EIF4G2: variants seen among roughly 807,000 people sequenced by gnomAD.
EIF4G2 encodes DAP-5.
EIF4G2 carries 8 observed loss-of-function variants against 117.7 expected under a neutral mutation model. That is an observed-to-expected ratio of 0.07 (90% CI 0.04 to 0.12). EIF4G2 has a LOEUF of 0.12. Ranked by LOEUF, EIF4G2 falls within the 10% of genes least tolerant of loss-of-function variation. The pLI is 1.00. For synonymous variants in EIF4G2, 413 were observed against 367.8 expected, an observed-to-expected ratio of 1.12 and a Z score of -1.41; for missense variants, 812 against 1,086.2, an observed-to-expected ratio of 0.75 and a Z score of 3.55.
At chr11:10,799,902 T>A in intron 18 of EIF4G2, 146 bp from the exon 19 acceptor site, 1 of 1,174,862 alleles carries the variant, frequency 8.5e-7, no homozygotes, top group Non-Finnish European at 1.2e-6. Context: ...TGAAAAAAAC[T>A]CAACATACGG....
Position 10,800,949 on chromosome 11 carries a change from C to G in EIF4G2, c.1539+13G>C. On this transcript the variant is annotated intron_variant, in intron 15 of 21. Transcript: ENST00000339995. ...GATATCTTTAGAAAATGCTGTCCTA[C>G]TATGGTCTGTACCTGTCCCAGAGGT... 6.2e-7 allele frequency: 1 copy of G among 1,614,048 alleles called. No individual in the cohort carries two copies. Among genetic ancestry groups the G allele is most frequent in the Non-Finnish European group, 8.5e-7 (1 of 1,179,986 alleles).
chr11:10,807,652 C>T (rs1164998953), intron 1 of EIF4G2: 2 of 1,049,018 alleles, frequency 1.9e-6, no homozygotes, highest in Non-Finnish European at 2.3e-6. Flanking sequence ...ATTCTACTAT[C>T]TTTAAAACTG....
At chr11:10,807,850 G>C in intron 1 of EIF4G2, 1 of 986,356 alleles carries the variant, frequency 1.0e-6, no homozygotes, top group Non-Finnish European at 1.2e-6. Flanking sequence ...GGAAAGACGC[G>C]CGAGAGGGGG....
chr11:10,800,548 A>T lies in EIF4G2; in HGVS notation c.1744T>A (p.Leu582Ile). 1 of 1,614,160 alleles carries T rather than the reference A, an allele frequency of 6.2e-7. No homozygotes were observed. The highest frequency in any genetic ancestry group is 1.3e-5 in the African/African-American group (1 of 75,048). Residue 582 changes from leucine (L) to isoleucine (I), a missense_variant, in exon 17 of 22, where the codon TTA becomes ATA. Physicochemically the swap from Leu to Ile is conservative, Grantham distance 5. Around this residue, in one of 4 missense-constraint regions of EIF4G2, gnomAD observed 571 missense variants for 642.3 expected, o/e 0.89. Coordinates refer to ENST00000339995, the MANE Select transcript of EIF4G2 (RefSeq NM_001418.4). ...AGTGACAGGATGATTACTTTGCTTA[A>T]CATCTCAGGAAGAAAGTGTTTAGGA...
intron 21 of EIF4G2, among the ~76,000 whole-genome samples, chr11:10,798,471 C>G (rs1040069177): frequency 3.3e-5 from 5 of 152,162 alleles, no homozygotes; most frequent in African/African-American, 1.2e-4. Context: ...CAGCTCACTG[C>G]AACCTCTGCC....
chr11:10,808,119 C>CGCCGCCTCCAAGCGG (rs1847644404), intron 1 of EIF4G2: 1 of 1,050,094 alleles, frequency 9.5e-7, no homozygotes, highest in South Asian at 2.3e-5. Context: ...CCTGCCCACC[C>CGCCGCCTCCAAGCGG]GCCGCCTCCA....
chr11:10,799,180 C>G, intron 20 of EIF4G2, 33 bp downstream of exon 20: 1 of 1,612,010 alleles, frequency 6.2e-7, no homozygotes, highest in Non-Finnish European at 8.5e-7. Context: ...TAAGAACTTC[C>G]TCACGCCGTT....
chr11:10,800,647 C>T lies in EIF4G2; in HGVS notation c.1645G>A (p.Glu549Lys). Residue 549 changes from glutamate to lysine, a missense_variant and splice_region_variant, in exon 17 of 22, where the codon GAA becomes AAA. By Grantham distance (56) the Glu-to-Lys change is moderately conservative. Transcript: ENST00000339995. ...TTTAGATATTCAGTCACAACAGTTT[C>T]CTGTGAAGAACACAAGTATCTTTAA... The T allele has an allele frequency of 1.2e-6, 2 of 1,614,094 alleles. No individual in the cohort carries two copies. The highest frequency in any genetic ancestry group is 2.7e-5 in the African/African-American group (2 of 75,034).
At chr11:10,806,189 G>C (rs1373696913) in intron 3 of EIF4G2, 142 bp from the exon 4 acceptor site, 13 of 1,108,526 alleles carry the variant, frequency 1.2e-5, no homozygotes, top group Non-Finnish European at 1.5e-5. Flanking sequence ...AGTGCTTCTG[G>C]AACAGTAGTG....
At position 10,800,448 on chromosome 11, in the gene EIF4G2, C is replaced by T; in HGVS notation, c.1844G>A (p.Ser615Asn). ...GTGTCCTACCTGCATGAAGTTGTCA[C>T]TTGTGGCTATCCCTTCCTGTTTGAG... Residue 615 changes from serine to asparagine, a missense_variant, in exon 17 of 22, where the codon AGT becomes AAT. Around this residue, in one of 4 missense-constraint regions of EIF4G2, gnomAD observed 571 missense variants for 642.3 expected, o/e 0.89. Transcript: ENST00000339995. 1 of 1,614,190 alleles carries T rather than the reference C, an allele frequency of 6.2e-7. No individual in the cohort carries two copies. The highest frequency in any genetic ancestry group is 8.5e-7 in the Non-Finnish European group (1 of 1,180,012).
intron 14 of EIF4G2, 90 bp downstream of exon 14, chr11:10,801,571 T>C (rs748457738): frequency 5.3e-6 from 6 of 1,130,612 alleles, no homozygotes. Flanking sequence ...CAGCATAAAG[T>C]CCTCTTAATA....
chr11:10,798,833 T>G (rs1847337875), intron 21 of EIF4G2, 159 bp downstream of exon 21: 2 of 895,620 alleles, frequency 2.2e-6, no homozygotes, highest in African/African-American at 3.3e-5. Context: ...TAGCTTTACT[T>G]AATAATAGCT....
chr11:10,802,583 A>G (rs1847457259), intron 11 of EIF4G2, 148 bp from the exon 12 acceptor site: 10 of 1,161,084 alleles, frequency 8.6e-6, no homozygotes, highest in Non-Finnish European at 1.2e-5. Context: ...AATGGCAGAC[A>G]AGGCTGGGCA....
In EIF4G2 at chr11:10,800,803, C is replaced by A; in HGVS notation, c.1572G>T (p.Pro524=). 2 of 1,614,226 alleles carry A rather than the reference C, an allele frequency of 1.2e-6. No individual in the cohort carries two copies. The highest frequency in any genetic ancestry group is 1.7e-6 in the Non-Finnish European group (2 of 1,180,040). The change falls in exon 16 of 22, where the codon CCG becomes CCT. Residue 524 remains proline (P), a synonymous_variant. Coordinates refer to ENST00000339995, the MANE Select transcript of EIF4G2 (RefSeq NM_001418.4). ...TCTTGGCAGGCTTTTCCTGGATAAGCGGTGGATTAGTTTTGAGACCAAGCT... is the reference window on the plus strand; with the variant it reads ...TCTTGGCAGGCTTTTCCTGGATAAGAGGTGGATTAGTTTTGAGACCAAGCT...
chr11:10,799,140 A>C (rs1315726134), intron 20 of EIF4G2, 27 bp from the exon 21 acceptor site: 2 of 1,576,322 alleles, frequency 1.3e-6, no homozygotes, highest in African/African-American at 2.8e-5. Flanking sequence ...AAAAGAAAAA[A>C]GTAATAAGCC....
rs1214249191 is a variant in EIF4G2, at chr11:10,807,599, G to C, written c.-86-218C>G. The C allele has an allele frequency of 5.1e-6, 6 of 1,183,716 alleles. No homozygotes were observed. The East Asian group carries it at 2.2e-4, about 43-fold the overall frequency. 73.3% of individuals were successfully genotyped at this position (1,183,716 alleles called of 1,614,324 possible). ...TGCAAAGAGACTTCGTAGAACACAA[G>C]AGCATTTTAAACGGCTCAGAACGAA... is the stretch of plus-strand genomic sequence containing the variant. On this transcript the variant is annotated intron_variant, in intron 1 of 21. Transcript: ENST00000339995.
Position 10,807,244 on chromosome 11 carries a change from T to G in EIF4G2, c.41+11A>C. 2 of 1,605,734 alleles carry G rather than the reference T, an allele frequency of 1.2e-6. No individual in the cohort carries two copies. Among genetic ancestry groups the G allele is most frequent in the South Asian group, 1.1e-5 (1 of 89,522 alleles). On this transcript the variant is annotated intron_variant, in intron 2 of 21. Transcript: ENST00000339995. ...TTTCAAAAGGATTCCCCAAAATAAA[T>G]CTACAAGTACCTGAAACGAGAAGCA...
rs780571471 is a variant in EIF4G2, at chr11:10,806,780, G to A, written c.107+40C>T. On this transcript the variant is annotated intron_variant, in intron 3 of 21. Transcript: ENST00000339995. ...GTCACATGGGAAAGACTTTTAATCT[G>A]TTAAATAAAGCTCACTGTTTTTTTA... 3.1e-6 allele frequency: 5 copies of A among 1,602,918 alleles called. No homozygotes were observed. The East Asian group carries it at 1.1e-4, about 36-fold the overall frequency.
chr11:10,800,690 A>C (rs764233801), intron 16 of EIF4G2, 41 bp downstream of exon 16: 1 of 1,614,010 alleles, frequency 6.2e-7, no homozygotes, highest in Non-Finnish European at 8.5e-7. Context: ...TCTATCTCAA[A>C]TACAGGCTAA....
Sources: gnomAD v4.1 joint callset for allele counts (sites outside exome capture counted in the v4.1 genomes callset) on GRCh38, gnomAD v4.1.1 for gene constraint, gnomAD v4.1.1 regional missense constraint, MANE v1.5 for transcripts, NCBI Gene and HGNC (gene_info 2026-07-23, HGNC 2026-07-21) for gene names.